Variants in GAD2 observed in about 807,000 individuals in gnomAD.
The protein encoded by GAD2 is glutamate decarboxylase 2.
GAD2 carries 22 observed loss-of-function variants against 80.1 expected under a neutral mutation model. The observed-to-expected ratio is 0.27, with a 90% CI of 0.20 to 0.39. GAD2 has a LOEUF of 0.39. GAD2 is among the 10% of genes least tolerant of loss of function. The probability of loss-of-function intolerance (pLI) is 1.00; values close to 1 mark genes in which losing one functional copy is unlikely to be tolerated. For missense variants in GAD2, 624 were observed against 738.4 expected (o/e 0.85, Z 1.80); for synonymous variants, 274 against 256.9 (o/e 1.07, Z -0.64).
At chr10:26,244,566 T>C (rs568832475) in intron 7 of GAD2, among the ~76,000 whole-genome samples, 1 of 152,234 alleles carries the variant, frequency 6.6e-6, no homozygotes, top group East Asian at 1.9e-4. Context: ...AGGAAGGAAA[T>C]TCTCACACAT....
intron 7 of GAD2, among the ~76,000 whole-genome samples, chr10:26,240,737 A>C (rs149705563): frequency 0.071 from 10,645 of 150,432 alleles, 1,232 homozygotes; most frequent in African/African-American, 0.24. Context: ...ATCACAAAAA[A>C]AAAAAAAAAT....
intron 8 of GAD2, among the ~76,000 whole-genome samples, chr10:26,247,930 A>AG (rs1844830065): frequency 6.6e-6 from 1 of 151,056 alleles, no homozygotes; most frequent in African/African-American, 2.4e-5. Flanking sequence ...AAAAAAAAAA[A>AG]AGAAAGCTCT....
chr10:26,227,009 T>C (rs1844535407), intron 6 of GAD2, among the ~76,000 whole-genome samples: 1 of 152,224 alleles, frequency 6.6e-6, no homozygotes, highest in African/African-American at 2.4e-5. Flanking sequence ...TTTTATTTTT[T>C]TGAGACAGAG....
chr10:26,259,608 C>G (rs1194052375), intron 8 of GAD2, among the ~76,000 whole-genome samples: 1 of 152,020 alleles, frequency 6.6e-6, no homozygotes, highest in Admixed American at 6.6e-5. Flanking sequence ...AGATATTAAT[C>G]CTTTATCAGA....
At chr10:26,268,467 C>CAA (rs398045927) in intron 8 of GAD2, among the ~76,000 whole-genome samples, 24,729 of 93,212 alleles carry the variant, frequency 0.27, 2,583 homozygotes, top group East Asian at 0.39. Flanking sequence ...GACTCTGTCT[C>CAA]AAAAAAAAAA....
chr10:26,219,028 A>G lies in GAD2; in HGVS notation c.287-15A>G, dbSNP rs780650856. ...AAGTAAAATTAAAATGTGGCATTTTAATTTCATTCTTTAGACCTGCTGCCG... is the reference window on the plus strand; with the variant it reads ...AAGTAAAATTAAAATGTGGCATTTTGATTTCATTCTTTAGACCTGCTGCCG... On this transcript the variant is annotated splice_polypyrimidine_tract_variant and intron_variant, in intron 3 of 15. Transcript: ENST00000376261. 1 of 1,524,618 alleles carries G rather than the reference A, an allele frequency of 6.6e-7. No homozygotes were observed. The highest frequency in any genetic ancestry group is 2.4e-5 in the East Asian group (1 of 42,526). 94.4% of individuals were successfully genotyped at this position (1,524,618 alleles called of 1,614,324 possible).
chr10:26,250,867 G>T (rs145321168), intron 8 of GAD2, among the ~76,000 whole-genome samples: 1,603 of 142,212 alleles, frequency 0.011, 26 homozygotes, highest in African/African-American at 0.04. Flanking sequence ...AATTTGTTGG[G>T]TTTTTTTTCC....
intron 13 of GAD2, among the ~76,000 whole-genome samples, chr10:26,287,068 CACTA>C (rs1456480898): frequency 2.6e-5 from 4 of 152,170 alleles, no homozygotes; most frequent in African/African-American, 4.8e-5. Flanking sequence ...AAGGAAAACT[CACTA>C]ACTAACAGTG....
chr10:26,273,402 C>T (rs972452082), intron 10 of GAD2, among the ~76,000 whole-genome samples: 3 of 152,252 alleles, frequency 2.0e-5, no homozygotes, highest in South Asian at 4.1e-4. Flanking sequence ...CTCTCTTCTA[C>T]GGACCAGGAG....
intron 15 of GAD2, among the ~76,000 whole-genome samples, chr10:26,297,001 A>G (rs2132323612): frequency 6.6e-6 from 1 of 151,992 alleles, no homozygotes; most frequent in South Asian, 2.1e-4. Context: ...TGCAACCTCC[A>G]CCTCTCAGGT....
chr10:26,292,834 G>A, intron 14 of GAD2, 68 bp from the exon 15 acceptor site: 2 of 1,286,492 alleles, frequency 1.6e-6, no homozygotes, highest in Non-Finnish European at 2.3e-6. Context: ...ACATCGATTT[G>A]AAATGTTCTT....
At chr10:26,266,650 G>A (rs1396573677) in intron 8 of GAD2, among the ~76,000 whole-genome samples, 3 of 152,144 alleles carry the variant, frequency 2.0e-5, no homozygotes, top group Non-Finnish European at 4.4e-5. Context: ...TTTCCAATCT[G>A]CCAGAGGTGA....
chr10:26,237,214 C>T (rs376575709), intron 7 of GAD2, among the ~76,000 whole-genome samples: 3 of 152,182 alleles, frequency 2.0e-5, no homozygotes, highest in Admixed American at 6.5e-5. Flanking sequence ...ATCCCATCCA[C>T]GCCAGGTGAC....
At chr10:26,264,007 C>T (rs1213265630) in intron 8 of GAD2, among the ~76,000 whole-genome samples, 1 of 152,174 alleles carries the variant, frequency 6.6e-6, no homozygotes, top group African/African-American at 2.4e-5. Flanking sequence ...TTGAAATCTG[C>T]CTCCTGCTAG....
chr10:26,266,424 A>T (rs967719361), intron 8 of GAD2, among the ~76,000 whole-genome samples: 6 of 152,204 alleles, frequency 3.9e-5, no homozygotes, highest in African/African-American at 1.4e-4. Flanking sequence ...AAAGATGGTA[A>T]GTTTCCTCCC....
At chr10:26,250,002 GA>G (rs1844859391) in intron 8 of GAD2, among the ~76,000 whole-genome samples, 1 of 152,096 alleles carries the variant, frequency 6.6e-6, no homozygotes. Flanking sequence ...CCTCAAATGT[GA>G]AAGTCAAAGA....
chr10:26,232,908 C>A (rs1289616031), intron 7 of GAD2, among the ~76,000 whole-genome samples: 2 of 152,192 alleles, frequency 1.3e-5, no homozygotes, highest in Non-Finnish European at 2.9e-5. Flanking sequence ...AGTGAAGGAT[C>A]ATTTGAATTA....
chr10:26,234,499 T>G (rs1844646370), intron 7 of GAD2, among the ~76,000 whole-genome samples: 1 of 152,246 alleles, frequency 6.6e-6, no homozygotes, highest in Non-Finnish European at 1.5e-5. Flanking sequence ...TATAAACTTT[T>G]TTTGCATTCA....
chr10:26,294,312 G>A (rs1382347341), intron 15 of GAD2, among the ~76,000 whole-genome samples: 4 of 152,306 alleles, frequency 2.6e-5, no homozygotes, highest in African/African-American at 7.2e-5. Context: ...AGGATTTTGT[G>A]TAGATATAAA....
Sources: allele counts gnomAD v4.1 joint callset (sites outside exome capture counted in the v4.1 genomes callset), GRCh38; gene constraint gnomAD v4.1.1; transcripts MANE v1.5; gene names NCBI Gene and HGNC (gene_info 2026-07-23, HGNC 2026-07-21).